The following USP7 variants were observed in gnomAD, a reference collection of about 807,000 sequenced individuals.
USP7 encodes the protein ubiquitin C-terminal hydrolase 7.
A neutral mutation model predicts 162.9 loss-of-function variants in USP7; 9 were observed. That is an observed-to-expected ratio of 0.06 (90% CI 0.03 to 0.10). USP7 has a LOEUF of 0.10. USP7 is among the 10% of genes least tolerant of loss of function. USP7 has a pLI of 1.00. For missense variants in USP7, 715 were observed against 1,373.7 expected, an observed-to-expected ratio of 0.52 and a Z score of 7.58; for synonymous variants, 562 against 475.9, an observed-to-expected ratio of 1.18 and a Z score of -2.35.
At chr16:8,923,886 G>C (rs1897846332) in intron 2 of USP7, among the ~76,000 whole-genome samples, 1 of 152,152 alleles carries the variant, frequency 6.6e-6, no homozygotes, top group Non-Finnish European at 1.5e-5. Context: ...CCATTCCCCT[G>C]GAAGCTCAGC....
At chr16:8,906,997 T>C (rs1291057664) in intron 12 of USP7, among the ~76,000 whole-genome samples, 1 of 152,240 alleles carries the variant, frequency 6.6e-6, no homozygotes, top group African/African-American at 2.4e-5. Flanking sequence ...CAAATTTTGA[T>C]TTACTTGACC....
At position 8,947,090 on chromosome 16, in the gene USP7, G is replaced by T. The variant is rs558676887; in HGVS notation, c.79+16117C>A. Among the ~76,000 whole-genome samples the T allele has an allele frequency of 1.6e-4, 25 of 151,988 alleles. No individual in the cohort carries two copies. In the East Asian group the frequency reaches 4.1e-3, roughly 25 times the overall value. On this transcript the variant is annotated intron_variant, in intron 1 of 30. Coordinates refer to ENST00000344836, the MANE Select transcript of USP7 (RefSeq NM_003470.3). ...AAAAGGCTACTAAAGCATTCCTCCT[G>T]TTTTTTTCAGTATATCTCTGTAAGA...
intron 3 of USP7, among the ~76,000 whole-genome samples, chr16:8,921,687 G>A (rs1897697622): frequency 1.3e-5 from 2 of 152,132 alleles, no homozygotes; most frequent in Non-Finnish European, 2.9e-5. Flanking sequence ...TCCAGCACAT[G>A]CTGGGGGAAA....
At chr16:8,923,497 T>C in intron 2 of USP7, 84 bp from the exon 3 acceptor site, 2 of 1,415,914 alleles carry the variant, frequency 1.4e-6, no homozygotes, top group Non-Finnish European at 1.9e-6. Context: ...TAAACTGTTC[T>C]ATACATCCTG....
intron 18 of USP7, 116 bp from the exon 19 acceptor site, chr16:8,901,350 C>T (rs2061771661): frequency 5.7e-6 from 4 of 700,538 alleles, no homozygotes; most frequent in African/African-American, 5.4e-5. Flanking sequence ...CTGAATAGCT[C>T]AATGACAAGT....
In USP7 at chr16:8,963,321, G is replaced by A. The variant is rs758094459; in HGVS notation, c.-36C>T. 76 of 927,154 alleles carry A rather than the reference G, an allele frequency of 8.2e-5. No individual in the cohort carries two copies. Among genetic ancestry groups the A allele is most frequent in the Non-Finnish European group, 9.5e-5 (72 of 760,820 alleles). The allele number at this position is 927,154 out of a possible 1,614,324, so 57.4% of individuals were successfully genotyped here. A position where few individuals can be genotyped will look rare whatever the true frequency, so the allele number is the denominator to read the frequency against. The stretch of plus-strand genomic sequence containing the variant: ...GCCTGGGCCTCGCCTGCGGCCGGGG[G>A]CCGGGGCTGCGAGCCCGGCGGGCGG... On this transcript the variant is annotated 5_prime_UTR_variant, in exon 1 of 31. Transcript: ENST00000344836.
At chr16:8,918,736 G>C (rs1897515273) in intron 6 of USP7, among the ~76,000 whole-genome samples, 1 of 152,214 alleles carries the variant, frequency 6.6e-6, no homozygotes, top group Non-Finnish European at 1.5e-5. Context: ...TTGAACCCAG[G>C]AGACAGAGGC....
intron 21 of USP7, chr16:8,900,094 G>T (rs1705462840): frequency 2.5e-6 from 1 of 402,590 alleles, no homozygotes; most frequent in South Asian, 2.8e-5. Flanking sequence ...GTGGAGCCCA[G>T]TCTCTGACCG....
At chr16:8,930,436 C>T (rs1898253451) in intron 1 of USP7, 39 bp from the exon 2 acceptor site, 1 of 1,508,348 alleles carries the variant, frequency 6.6e-7, no homozygotes, top group Admixed American at 1.9e-5. Context: ...GTTTTACATT[C>T]ATGGCTTTAA....
chr16:8,955,215 GTTT>G (rs754310656), intron 1 of USP7, among the ~76,000 whole-genome samples: 1 of 152,088 alleles, frequency 6.6e-6, no homozygotes, highest in African/African-American at 2.4e-5. Context: ...CGTATGGCTC[GTTT>G]TTTTACATAT....
Position 8,923,424 on chromosome 16 carries a change from A to G in USP7, c.185-11T>C. Reference sequence around the variant, plus strand: ...AGCGCCAACTGGTGTCTGCAAAAAAAACACATCATCAGTCACAGAGCCTGT... The same window carrying G: ...AGCGCCAACTGGTGTCTGCAAAAAAGACACATCATCAGTCACAGAGCCTGT... On this transcript the variant is annotated splice_polypyrimidine_tract_variant and intron_variant, in intron 2 of 30. Coordinates refer to ENST00000344836, the MANE Select transcript of USP7 (RefSeq NM_003470.3). 6.2e-7 allele frequency: 1 copy of G among 1,613,880 alleles called. No individual in the cohort carries two copies. The highest frequency in any genetic ancestry group is 1.1e-5 in the South Asian group (1 of 91,070).
chr16:8,956,293 G>T (rs1228655261), intron 1 of USP7: 1 of 152,214 alleles, frequency 6.6e-6, no homozygotes, highest in African/African-American at 2.4e-5. Flanking sequence ...ATGACCCAAA[G>T]AGAATGATCA....
At chr16:8,911,615 C>T (rs1339820940) in intron 10 of USP7, among the ~76,000 whole-genome samples, 2 of 152,224 alleles carry the variant, frequency 1.3e-5, no homozygotes, top group African/African-American at 4.8e-5. Flanking sequence ...CCGTGATGGG[C>T]CCAGCTCTGC....
intron 1 of USP7, among the ~76,000 whole-genome samples, chr16:8,952,288 G>T (rs571894823): frequency 6.6e-6 from 1 of 152,280 alleles, no homozygotes; most frequent in South Asian, 2.1e-4. Flanking sequence ...ACTACTTTAT[G>T]ACCAATAGCA....
At chr16:8,921,385 C>A in intron 3 of USP7, 90 bp from the exon 4 acceptor site, 2 of 1,452,028 alleles carry the variant, frequency 1.4e-6, no homozygotes, top group South Asian at 1.3e-5. Flanking sequence ...CACCAAAATT[C>A]CCATTTATGA....
At chr16:8,954,352 T>C (rs546481583) in intron 1 of USP7, among the ~76,000 whole-genome samples, 68 of 152,358 alleles carry the variant, frequency 4.5e-4, no homozygotes, top group African/African-American at 1.6e-3. Flanking sequence ...CTGACTCTGC[T>C]GCAACATCCA....
At position 8,898,389 on chromosome 16, in the gene USP7, T is replaced by C. The variant is rs1567207144; in HGVS notation, c.2689A>G (p.Ile897Val). 1.2e-6 allele frequency: 2 copies of C among 1,612,528 alleles called. No individual in the cohort carries two copies. Among genetic ancestry groups the C allele is most frequent in the Non-Finnish European group, 1.7e-6 (2 of 1,179,710 alleles). The stretch of plus-strand genomic sequence containing the variant: ...TCCCTAAATTGGCTGTTTAACCATA[T>C]ACATTTAAAACTTCGCCTGTTCTCA... ...DFENRRSFKC[I>V]WLNSQFREEE... Residue 897 changes from isoleucine to valine, a missense_variant, in exon 25 of 31, where the codon ATA becomes GTA. This residue lies in a region of USP7 where 222 missense variants were observed against 441.7 expected (regional missense o/e 0.50). Transcript: ENST00000344836.
At chr16:8,907,821 T>C (rs890998454) in intron 12 of USP7, among the ~76,000 whole-genome samples, 2 of 152,082 alleles carry the variant, frequency 1.3e-5, no homozygotes, top group Admixed American at 1.3e-4. Flanking sequence ...CTCAAAAACA[T>C]AATAAAACAA....
At chr16:8,912,100 T>C (rs987774631) in intron 10 of USP7, among the ~76,000 whole-genome samples, 1 of 152,162 alleles carries the variant, frequency 6.6e-6, no homozygotes, top group Admixed American at 6.5e-5. Context: ...TAGGAATATC[T>C]AACACCCAGC....
Sources: gnomAD v4.1 joint callset for allele counts (sites outside exome capture counted in the v4.1 genomes callset) on GRCh38, gnomAD v4.1.1 for gene constraint, gnomAD v4.1.1 regional missense constraint, MANE v1.5 for transcripts, NCBI Gene and HGNC (gene_info 2026-07-23, HGNC 2026-07-21) for gene names.